Variants in PDIA3 observed in about 807,000 individuals in gnomAD.
The protein encoded by PDIA3 is protein disulfide isomerase family A member 3, also known as protein disulfide-isomerase A3.
In PDIA3, 16 loss-of-function variants were observed where a neutral mutation model predicts 56.9. The observed-to-expected ratio is 0.28, with a 90% confidence interval of 0.19 to 0.43. The LOEUF is 0.43. Among genes scored for constraint, PDIA3 ranks in the 20% least tolerant of loss-of-function variants. The pLI is 1.00. For synonymous variants in PDIA3, 192 were observed against 216.5 expected (o/e 0.89, Z 0.99); for missense variants, 485 against 621.3 (o/e 0.78, Z 2.33).
At chr15:43,754,038 T>G (rs780149484) in intron 2 of PDIA3, 136 bp downstream of exon 2, 55 of 664,298 alleles carry the variant, frequency 8.3e-5, no homozygotes, top group Non-Finnish European at 1.4e-4. Flanking sequence ...TCTACTCTTA[T>G]TCTGCTAAGA....
At chr15:43,749,494 T>A (rs1029640076) in intron 1 of PDIA3, among the ~76,000 whole-genome samples, 1 of 152,212 alleles carries the variant, frequency 6.6e-6, no homozygotes, top group Non-Finnish European at 1.5e-5. Context: ...TAAAAAATCC[T>A]TAGTAAGAGT....
chr15:43,748,660 T>G (rs1455309740), intron 1 of PDIA3, among the ~76,000 whole-genome samples: 1 of 152,224 alleles, frequency 6.6e-6, no homozygotes, highest in African/African-American at 2.4e-5. Flanking sequence ...CCTCCACAAT[T>G]TCAGCAAGAA....
intron 5 of PDIA3, 88 bp from the exon 6 acceptor site, chr15:43,765,362 C>T: frequency 1.3e-6 from 1 of 781,938 alleles, no homozygotes. Context: ...GCCTGAGCAA[C>T]AGAGCGAAAC....
intron 1 of PDIA3, chr15:43,747,204 CG>C (rs2086712820): frequency 6.4e-6 from 1 of 155,256 alleles, no homozygotes; most frequent in African/African-American, 2.4e-5. Context: ...GCAGAATGGT[CG>C]TAAGTGCTTT....
intron 2 of PDIA3, among the ~76,000 whole-genome samples, chr15:43,756,434 A>G (rs1021519034): frequency 6.6e-6 from 1 of 152,232 alleles, no homozygotes; most frequent in Admixed American, 6.5e-5. Context: ...ATTTTATGTG[A>G]GGCCTAGGAA....
chr15:43,759,056 T>C (rs2086798141), intron 3 of PDIA3, among the ~76,000 whole-genome samples: 1 of 152,006 alleles, frequency 6.6e-6, no homozygotes. Flanking sequence ...TTTGGGAGGC[T>C]GAGGCAGGCG....
In PDIA3 at chr15:43,770,284, T is replaced by C. The variant is rs1208282082; in HGVS notation, c.1301T>C (p.Met434Thr). 1.9e-6 allele frequency: 3 copies of C among 1,614,052 alleles called. No homozygotes were observed. The African/African-American group carries it at 4.0e-5, about 22-fold the overall frequency. ...SKDPNIVIAK[M>T]DATANDVPSP... ...GACCCAAATATCGTCATAGCCAAGA[T>C]GGATGCCACAGCCAATGATGTGCCT... The change falls in exon 11 of 13, where the codon ATG becomes ACG. Residue 434 changes from methionine (M) to threonine (T), a missense_variant. Met to Thr is a moderately conservative substitution (Grantham distance 81). Transcript: ENST00000300289.
chr15:43,748,382 G>A (rs1405686473), intron 1 of PDIA3, among the ~76,000 whole-genome samples: 1 of 152,092 alleles, frequency 6.6e-6, no homozygotes, highest in African/African-American at 2.4e-5. Flanking sequence ...GGAAGCTGAG[G>A]CAGGAGAATA....
At position 43,746,722 on chromosome 15, in the gene PDIA3, C is replaced by G. The variant is rs1277396763; in HGVS notation, c.167+16C>G. On this transcript the variant is annotated intron_variant, in intron 1 of 12. Transcript: ENST00000300289. ...TCGCCCCCTGGTGAGTCCATTCTGCCGAGGCGGGGGAAGAAAGGCGGGGCT... is the reference window on the plus strand; with the variant it reads ...TCGCCCCCTGGTGAGTCCATTCTGCGGAGGCGGGGGAAGAAAGGCGGGGCT... 4 of 1,611,772 alleles carry G rather than the reference C, an allele frequency of 2.5e-6. No individual in the cohort carries two copies. The highest frequency in any genetic ancestry group is 3.3e-5 in the Admixed American group (2 of 59,956).
In PDIA3 at chr15:43,756,663, C is replaced by G; in HGVS notation, c.261C>G (p.Ala87=). The G allele has an allele frequency of 6.3e-7, 1 of 1,594,236 alleles. No homozygotes were observed. The highest frequency in any genetic ancestry group is 8.6e-7 in the Non-Finnish European group (1 of 1,163,910). Residue 87 remains alanine (A), a synonymous_variant, in exon 3 of 13, where the codon GCC becomes GCG. Transcript: ENST00000300289. ...IVPLAKVDCT[A]NTNTCNKYGV... ...TTGATCTTTAGGTTGATTGCACTGC[C>G]AACACTAACACCTGTAATAAATATG...
chr15:43,771,183 C>A lies in PDIA3; in HGVS notation c.1483C>A (p.Pro495Thr), dbSNP rs148223176. 9.8e-5 allele frequency: 158 copies of A among 1,611,692 alleles called. No homozygotes were observed. Among genetic ancestry groups the A allele is most frequent in the Non-Finnish European group, 1.3e-4 (151 of 1,179,472 alleles). Residue 495 changes from proline to threonine, a missense_variant, in exon 13 of 13, where the codon CCC (proline) becomes ACC (threonine). Physicochemically the swap from Pro to Thr is conservative, Grantham distance 38. Transcript: ENST00000300289. Reference protein sequence around the residue: ...TNPPVIQEEKPKKKKKAQEDL With the variant: ...TNPPVIQEEKTKKKKKAQEDL ...CCCCCCTGTAATTCAAGAAGAAAAA[C>A]CCAAGAAGAAGAAGAAGGCACAGGA... is the stretch of plus-strand genomic sequence containing the variant.
chr15:43,761,319 C>A, intron 3 of PDIA3, 105 bp from the exon 4 acceptor site: 1 of 506,496 alleles, frequency 2.0e-6, no homozygotes, highest in Non-Finnish European at 3.6e-6. Flanking sequence ...AAGAAGATTT[C>A]ATCTTATACC....
intron 3 of PDIA3, among the ~76,000 whole-genome samples, chr15:43,757,760 G>A (rs1325498953): frequency 1.3e-5 from 2 of 151,876 alleles, no homozygotes; most frequent in African/African-American, 4.8e-5. Flanking sequence ...TACTCAGGAG[G>A]CTGAGGCAGG....
chr15:43,768,353 G>A (rs1358963543), intron 8 of PDIA3, 136 bp from the exon 9 acceptor site: 3 of 609,806 alleles, frequency 4.9e-6, no homozygotes, highest in Non-Finnish European at 9.1e-6. Flanking sequence ...CGGTAGTTCT[G>A]CATATTGAGA....
chr15:43,766,148 AAAAAATT>A, intron 7 of PDIA3, 136 bp downstream of exon 7: 15 of 676,342 alleles, frequency 2.2e-5, no homozygotes, highest in Non-Finnish European at 3.4e-5. Flanking sequence ...AAAAAAAAAA[AAAAAATT>A]AAAGTAACTA....
At chr15:43,758,021 C>T (rs1260111559) in intron 3 of PDIA3, among the ~76,000 whole-genome samples, 1 of 151,376 alleles carries the variant, frequency 6.6e-6, no homozygotes, top group Non-Finnish European at 1.5e-5. Flanking sequence ...GGCGGATCAC[C>T]TGAGGTCGGG....
Position 43,770,349 on chromosome 15 carries a change from A to T in PDIA3, c.1346+20A>T. 6.3e-7 allele frequency: 1 copy of T among 1,594,040 alleles called. No homozygotes were observed. The highest frequency in any genetic ancestry group is 8.6e-7 in the Non-Finnish European group (1 of 1,161,774). The stretch of plus-strand genomic sequence containing the variant: ...CAGAGGGTAAGTGGCTTAAAACTTA[A>T]CAAAAGTGTCTAGGCAATAGATAGG... On this transcript the variant is annotated intron_variant, in intron 11 of 12. Coordinates refer to ENST00000300289, the MANE Select transcript of PDIA3 (RefSeq NM_005313.5).
intron 3 of PDIA3, among the ~76,000 whole-genome samples, chr15:43,758,849 C>T (rs1228476681): frequency 6.6e-6 from 1 of 151,526 alleles, no homozygotes; most frequent in Non-Finnish European, 1.5e-5. Flanking sequence ...TGGTGGTGCA[C>T]ACGTGTAGTC....
At chr15:43,752,934 C>A (rs998935588) in intron 1 of PDIA3, 1 of 466,336 alleles carries the variant, frequency 2.1e-6, no homozygotes, top group South Asian at 1.6e-5. Flanking sequence ...CTTCTGGTGG[C>A]CCTCTGGGAA....
Sources: gnomAD v4.1 joint callset for allele counts (sites outside exome capture counted in the v4.1 genomes callset) on GRCh38, gnomAD v4.1.1 for gene constraint, MANE v1.5 for transcripts, NCBI Gene and HGNC (gene_info 2026-07-23, HGNC 2026-07-21) for gene names.